Variants in LRRC7 observed in about 807,000 individuals in gnomAD.
The protein encoded by LRRC7 is leucine rich repeat containing 7, also known as leucine-rich repeat-containing protein 7.
A neutral mutation model predicts 175.7 loss-of-function variants in LRRC7; 23 were observed. That is an observed-to-expected ratio of 0.13 (90% confidence interval 0.09 to 0.19). The LOEUF is 0.19. Among genes scored for constraint, LRRC7 ranks in the 10% least tolerant of loss-of-function variants. The probability of loss-of-function intolerance (pLI) is 1.00; values close to 1 mark genes in which losing one functional copy is unlikely to be tolerated. For synonymous variants in LRRC7, 685 were observed against 680.9 expected (o/e 1.01, Z -0.09); for missense variants, 1,354 against 1,904.7 (o/e 0.71, Z 5.38).
At chr1:69,934,998 T>C (rs1315330346) in intron 8 of LRRC7, among the ~76,000 whole-genome samples, 1 of 152,162 alleles carries the variant, frequency 6.6e-6, no homozygotes, top group Admixed American at 6.5e-5. Context: ...CGTGCTTTTT[T>C]GTAAGCCAGA....
At chr1:70,046,679 G>A (rs1194423088) in intron 22 of LRRC7, among the ~76,000 whole-genome samples, 1 of 152,084 alleles carries the variant, frequency 6.6e-6, no homozygotes, top group Non-Finnish European at 1.5e-5. Context: ...CACCAATGCA[G>A]GAACCTTATC....
intron 6 of LRRC7, among the ~76,000 whole-genome samples, chr1:69,837,859 T>TA (rs34490998): frequency 4.7e-4 from 71 of 150,824 alleles, no homozygotes; most frequent in African/African-American, 1.6e-3. Context: ...ATAACAATAG[T>TA]AAAAAAAAAT....
chr1:70,025,897 A>G (rs1658048329), intron 17 of LRRC7, among the ~76,000 whole-genome samples: 1 of 152,044 alleles, frequency 6.6e-6, no homozygotes, highest in Non-Finnish European at 1.5e-5. Flanking sequence ...GGTCCCTCAC[A>G]AGACTTTGGA....
Position 70,039,992 on chromosome 1 carries a change from C to T in LRRC7, c.3969+199C>T, listed in dbSNP as rs1659723310. ...CTAAATGCTCTTTGAGAGTTCATAA[C>T]CTGCAGGTGAATTATTCATCAAATC... On this transcript the variant is annotated intron_variant, in intron 21 of 26. Coordinates refer to ENST00000651989, the MANE Select transcript of LRRC7 (RefSeq NM_001370785.2). Among the ~76,000 whole-genome samples, 3 of 152,120 alleles carry T rather than the reference C, an allele frequency of 2.0e-5. No homozygotes were observed. The South Asian group carries it at 6.2e-4, about 32-fold the overall frequency.
intron 1 of LRRC7, among the ~76,000 whole-genome samples, chr1:69,614,322 G>A (rs1749497): frequency 0.13 from 19,426 of 152,022 alleles, 1,595 homozygotes; most frequent in South Asian, 0.19. Context: ...CAAACACCAG[G>A]AGCATAATAA....
At chr1:69,744,925 A>C (rs1023693215) in intron 2 of LRRC7, among the ~76,000 whole-genome samples, 36 of 151,946 alleles carry the variant, frequency 2.4e-4, no homozygotes, top group African/African-American at 8.4e-4. Flanking sequence ...CAACATGTAA[A>C]GATGTACCCT....
chr1:69,569,687 C>T (rs1235326044), intron 1 of LRRC7, among the ~76,000 whole-genome samples: 1 of 151,938 alleles, frequency 6.6e-6, no homozygotes, highest in Non-Finnish European at 1.5e-5. Flanking sequence ...ACTTCTCGGC[C>T]ATCAGGGCTG....
chr1:69,911,854 G>A (rs1646541337), intron 7 of LRRC7, among the ~76,000 whole-genome samples: 1 of 151,158 alleles, frequency 6.6e-6, no homozygotes, highest in South Asian at 2.1e-4. Flanking sequence ...ACCCGTCAGG[G>A]TATCAACAAT....
At chr1:69,844,336 A>G (rs140531697) in intron 7 of LRRC7, among the ~76,000 whole-genome samples, 3 of 152,206 alleles carry the variant, frequency 2.0e-5, no homozygotes, top group East Asian at 3.9e-4. Flanking sequence ...CTTTATACCA[A>G]TTGAACAACT....
In LRRC7 at chr1:69,568,617, A is replaced by G; in HGVS notation, c.-23A>G. On this transcript the variant is annotated 5_prime_UTR_variant, in exon 1 of 27. The change abolishes an upstream ATG in the 5' untranslated region. Transcript: ENST00000651989. ...GCACGACTACGCTCTCCGAAACCTC[A>G]TGGGCAGTTTCTCCCGCCGGCGATG... 1 of 1,351,170 alleles carries G rather than the reference A, an allele frequency of 7.4e-7. No individual in the cohort carries two copies. The highest frequency in any genetic ancestry group is 4.9e-5 in the East Asian group (1 of 20,276). 83.7% of individuals were successfully genotyped at this position (1,351,170 alleles called of 1,614,324 possible).
chr1:69,871,213 C>T (rs1685497907), intron 7 of LRRC7, among the ~76,000 whole-genome samples: 1 of 151,968 alleles, frequency 6.6e-6, no homozygotes, highest in African/African-American at 2.4e-5. Flanking sequence ...TCTTCAAAGC[C>T]AAATTGTATG....
intron 2 of LRRC7, among the ~76,000 whole-genome samples, chr1:69,687,925 ATGG>A (rs1315648601): frequency 1.5e-4 from 23 of 152,226 alleles, no homozygotes; most frequent in Admixed American, 1.5e-3. Flanking sequence ...TAACTCAAGG[ATGG>A]TTTTATAACC....
chr1:69,674,377 A>C (rs1237021085), intron 1 of LRRC7, among the ~76,000 whole-genome samples: 6 of 152,138 alleles, frequency 3.9e-5, no homozygotes, highest in African/African-American at 1.4e-4. Flanking sequence ...ATCTGGGCTT[A>C]ATTTCTTCAT....
chr1:69,780,321 GTATT>G, intron 3 of LRRC7, among the ~76,000 whole-genome samples: 1 of 152,230 alleles, frequency 6.6e-6, no homozygotes, highest in East Asian at 1.9e-4. Context: ...CTCTGCTATA[GTATT>G]TATTACATTG....
chr1:69,621,943 A>G (rs1303684120), intron 1 of LRRC7, among the ~76,000 whole-genome samples: 1 of 152,114 alleles, frequency 6.6e-6, no homozygotes, highest in South Asian at 2.1e-4. Flanking sequence ...TATTATCTAT[A>G]ATGTTTTCCT....
intron 1 of LRRC7, among the ~76,000 whole-genome samples, chr1:69,635,799 C>T (rs1653256679): frequency 6.6e-6 from 1 of 151,496 alleles, no homozygotes; most frequent in African/African-American, 2.4e-5. Context: ...AAAGATATAT[C>T]AAAATAAGAT....
intron 4 of LRRC7, among the ~76,000 whole-genome samples, chr1:69,817,974 G>C (rs1678795651): frequency 6.6e-6 from 1 of 152,048 alleles, no homozygotes. Context: ...TTTGTAACTT[G>C]TGCTCTACTA....
At chr1:69,689,014 A>G (rs17325320) in intron 2 of LRRC7, among the ~76,000 whole-genome samples, 21,798 of 152,214 alleles carry the variant, frequency 0.14, 1,716 homozygotes, top group Middle Eastern at 0.2. Context: ...ATCAGGAATC[A>G]GGGCACTAAT....
intron 7 of LRRC7, among the ~76,000 whole-genome samples, chr1:69,865,219 T>G (rs965270977): frequency 3.9e-5 from 6 of 152,070 alleles, no homozygotes; most frequent in African/African-American, 1.4e-4. Flanking sequence ...ATGGTTCCAG[T>G]AGAGGCTTCA....
Sources: gnomAD v4.1 joint callset for allele counts (sites outside exome capture counted in the v4.1 genomes callset) on GRCh38, gnomAD v4.1.1 for gene constraint, MANE v1.5 for transcripts, NCBI Gene and HGNC (gene_info 2026-07-23, HGNC 2026-07-21) for gene names.